FBXW8: variants seen among roughly 807,000 people sequenced by gnomAD.
FBXW8 encodes F-box/WD repeat-containing protein 8.
In FBXW8, 57 loss-of-function variants were observed where a neutral mutation model predicts 65.3. The ratio of observed to expected loss-of-function variants is 0.87; its 90% CI spans 0.71 to 1.09. The LOEUF (loss-of-function observed/expected upper bound fraction) is 1.09, where lower values mean the gene tolerates loss of function less well. FBXW8 is among the 50% of genes least tolerant of loss of function. The pLI is 0.00. For synonymous variants in FBXW8, 308 were observed against 330.2 expected, an observed-to-expected ratio of 0.93 and a Z score of 0.73; for missense variants, 777 against 814.8, an observed-to-expected ratio of 0.95 and a Z score of 0.57.
chr12:116,965,619 C>A (rs557122284), intron 5 of FBXW8, among the ~76,000 whole-genome samples: 1 of 152,302 alleles, frequency 6.6e-6, no homozygotes, highest in East Asian at 1.9e-4. Flanking sequence ...GTTAAGTGTT[C>A]ATGTCATGGC....
chr12:117,015,448 C>T (rs552664046), intron 8 of FBXW8, among the ~76,000 whole-genome samples: 3 of 152,292 alleles, frequency 2.0e-5, no homozygotes, highest in African/African-American at 4.8e-5. Flanking sequence ...AGTTGGCAGT[C>T]AAGGGCTGTA....
At chr12:116,965,894 G>T (rs1884289856) in intron 5 of FBXW8, among the ~76,000 whole-genome samples, 1 of 151,034 alleles carries the variant, frequency 6.6e-6, no homozygotes, top group Non-Finnish European at 1.5e-5. Context: ...GAGTAGCTGG[G>T]ACTACAGGCG....
chr12:117,026,885 T>G (rs1954245559), intron 9 of FBXW8, among the ~76,000 whole-genome samples: 1 of 152,192 alleles, frequency 6.6e-6, no homozygotes, highest in South Asian at 2.1e-4. Context: ...TTGGAACCAT[T>G]TTGTTCCAAG....
intron 1 of FBXW8, 64 bp downstream of exon 1, chr12:116,911,419 C>G: frequency 1.8e-6 from 2 of 1,139,604 alleles, no homozygotes; most frequent in African/African-American, 3.2e-5. Flanking sequence ...GGACAAACCC[C>G]TGCAGTGATT....
intron 4 of FBXW8, among the ~76,000 whole-genome samples, chr12:116,956,188 T>A (rs890244296): frequency 6.6e-6 from 1 of 152,170 alleles, no homozygotes; most frequent in African/African-American, 2.4e-5. Context: ...TCCCCTGGTT[T>A]CCGCCTTTTT....
At chr12:116,992,040 T>C (rs866116211) in intron 7 of FBXW8, among the ~76,000 whole-genome samples, 8 of 152,208 alleles carry the variant, frequency 5.3e-5, no homozygotes, top group African/African-American at 1.9e-4. Context: ...GTTCCTGGCA[T>C]TGGCATGTTA....
chr12:116,983,819 T>C (rs1020989762), intron 5 of FBXW8, among the ~76,000 whole-genome samples: 1 of 152,242 alleles, frequency 6.6e-6, no homozygotes, highest in Non-Finnish European at 1.5e-5. Flanking sequence ...CAGAAAGGAA[T>C]GGTCCATCTT....
chr12:117,019,603 T>A (rs1248122276), intron 8 of FBXW8, among the ~76,000 whole-genome samples: 1 of 152,132 alleles, frequency 6.6e-6, no homozygotes, highest in Non-Finnish European at 1.5e-5. Context: ...TTCTAAGAAA[T>A]AGATGAAAGT....
At chr12:116,998,703 A>G (rs977308451) in intron 7 of FBXW8, among the ~76,000 whole-genome samples, 2 of 113,168 alleles carry the variant, frequency 1.8e-5, no homozygotes, top group African/African-American at 5.1e-5. Context: ...GAGCCCTATT[A>G]GAAATGTTTG....
chr12:116,945,123 C>A (rs1047902834), intron 2 of FBXW8, among the ~76,000 whole-genome samples: 1 of 152,070 alleles, frequency 6.6e-6, no homozygotes, highest in Non-Finnish European at 1.5e-5. Context: ...TGTTAGATTA[C>A]AATATAACCA....
intron 5 of FBXW8, among the ~76,000 whole-genome samples, chr12:116,982,172 T>C (rs372985533): frequency 6.6e-6 from 1 of 152,158 alleles, no homozygotes; most frequent in Admixed American, 6.5e-5. Context: ...AATGGTAGAT[T>C]AAACCCAACC....
intron 8 of FBXW8, among the ~76,000 whole-genome samples, chr12:117,012,599 G>A (rs1953850665): frequency 6.6e-6 from 1 of 152,086 alleles, no homozygotes; most frequent in African/African-American, 2.4e-5. Context: ...TTTTTTCCCC[G>A]GAGGTTTAAT....
intron 2 of FBXW8, among the ~76,000 whole-genome samples, chr12:116,928,353 A>G (rs1262382623): frequency 1.3e-5 from 2 of 152,178 alleles, no homozygotes; most frequent in Non-Finnish European, 2.9e-5. Context: ...TTCTCCCTGC[A>G]GTCTGAGTTA....
At chr12:116,922,877 T>C (rs1881014704) in intron 1 of FBXW8, among the ~76,000 whole-genome samples, 3 of 151,798 alleles carry the variant, frequency 2.0e-5, no homozygotes, top group African/African-American at 7.3e-5. Context: ...TGATGTATGG[T>C]TGTGTTCTCA....
chr12:116,937,263 G>C (rs1464634904), intron 2 of FBXW8, among the ~76,000 whole-genome samples: 8 of 152,190 alleles, frequency 5.3e-5, no homozygotes, highest in Admixed American at 5.2e-4. Flanking sequence ...GCTCTTCGTT[G>C]AGCTCTGGGC....
chr12:117,005,948 C>T (rs1051862500), intron 7 of FBXW8, among the ~76,000 whole-genome samples: 1 of 152,256 alleles, frequency 6.6e-6, no homozygotes, highest in Non-Finnish European at 1.5e-5. Context: ...CCCAGCACAG[C>T]ACCTCCTAAC....
intron 9 of FBXW8, among the ~76,000 whole-genome samples, chr12:117,024,953 G>C (rs182844437): frequency 2.7e-4 from 41 of 152,262 alleles, no homozygotes; most frequent in African/African-American, 9.9e-4. Context: ...GGCTGATGGC[G>C]TCACAGAGGT....
At chr12:116,955,362 G>A (rs935505029) in intron 4 of FBXW8, among the ~76,000 whole-genome samples, 2 of 152,154 alleles carry the variant, frequency 1.3e-5, no homozygotes, top group African/African-American at 4.8e-5. Context: ...CTTTTTCAGC[G>A]AAAATTTCTC....
At chr12:117,010,187 A>G in intron 7 of FBXW8, 136 bp from the exon 8 acceptor site, 1 of 1,330,012 alleles carries the variant, frequency 7.5e-7, no homozygotes, top group Non-Finnish European at 1.0e-6. Context: ...GAAAAAGATC[A>G]GGAAATTAAG....
Sources: allele counts gnomAD v4.1 joint callset (sites outside exome capture counted in the v4.1 genomes callset), GRCh38; gene constraint gnomAD v4.1.1; transcripts MANE v1.5; gene names NCBI Gene and HGNC (gene_info 2026-07-23, HGNC 2026-07-21).